Variants in CAMK2D observed in about 807,000 individuals in gnomAD.
The protein encoded by CAMK2D is calcium/calmodulin dependent protein kinase II delta, also known as calcium/calmodulin-dependent protein kinase type II subunit delta.
CAMK2D carries 37 observed loss-of-function variants against 84.0 expected under a neutral mutation model. The observed-to-expected ratio is 0.44, with a 90% CI of 0.34 to 0.58. The LOEUF (loss-of-function observed/expected upper bound fraction) is 0.58, where lower values mean the gene tolerates loss of function less well. Among genes scored for constraint, CAMK2D ranks in the 20% least tolerant of loss-of-function variants. The probability of loss-of-function intolerance (pLI) is 0.02; values close to 1 mark genes in which losing one functional copy is unlikely to be tolerated. For synonymous variants in CAMK2D, 202 were observed against 212.5 expected (o/e 0.95, Z 0.43); for missense variants, 448 against 652.5 (o/e 0.69, Z 3.41).
intron 2 of CAMK2D, among the ~76,000 whole-genome samples, chr4:113,720,578 C>CA (rs1002729941): frequency 6.6e-6 from 1 of 150,940 alleles, no homozygotes; most frequent in Non-Finnish European, 1.5e-5. Context: ...CCTCAAATTT[C>CA]AAAAAAAAGC....
At chr4:113,663,592 A>C (rs2099244988) in intron 2 of CAMK2D, among the ~76,000 whole-genome samples, 1 of 148,056 alleles carries the variant, frequency 6.8e-6, no homozygotes, top group Admixed American at 6.8e-5. Flanking sequence ...CTGTCTAAAA[A>C]TAATAATAAT....
intron 3 of CAMK2D, among the ~76,000 whole-genome samples, chr4:113,617,956 T>C (rs2099028820): frequency 6.6e-6 from 1 of 151,780 alleles, no homozygotes; most frequent in African/African-American, 2.4e-5. Flanking sequence ...CATATATATA[T>C]ATAAAATATA....
In CAMK2D at chr4:113,455,758, G is replaced by A. The variant is rs1230960345; in HGVS notation, c.1599C>T (p.Ile533=). Residue 533 remains isoleucine, a synonymous_variant, in exon 20 of 21, where the codon ATC becomes ATT. Coordinates refer to ENST00000511664, the MANE Select transcript of CAMK2D (RefSeq NM_001321571.2). ...ATATGTGAATGGTTTTCAGGCCTTA[G>A]ATGTTTTGCCACAAAGAGGTGCCTC... The part of the protein sequence containing the change: ...FSGGTSLWQN[I] 1 of 1,611,726 alleles carries A rather than the reference G, an allele frequency of 6.2e-7. No individual in the cohort carries two copies. Among genetic ancestry groups the A allele is most frequent in the Non-Finnish European group, 8.5e-7 (1 of 1,178,114 alleles).
At chr4:113,603,773 T>TTTTATA (rs1447833124) in intron 4 of CAMK2D, among the ~76,000 whole-genome samples, 4 of 127,994 alleles carry the variant, frequency 3.1e-5, no homozygotes, top group Non-Finnish European at 6.3e-5. Context: ...TCTTGCTATT[T>TTTTATA]TATATATATA....
chr4:113,549,643 G>C (rs2098609128), intron 5 of CAMK2D, among the ~76,000 whole-genome samples: 1 of 152,114 alleles, frequency 6.6e-6, no homozygotes. Context: ...GATGAATTTT[G>C]TATAAGTTCA....
At chr4:113,699,918 T>A (rs1212069986) in intron 2 of CAMK2D, among the ~76,000 whole-genome samples, 1 of 152,204 alleles carries the variant, frequency 6.6e-6, no homozygotes, top group African/African-American at 2.4e-5. Flanking sequence ...TTATGAGTCA[T>A]GTTAAGAAGA....
intron 18 of CAMK2D, among the ~76,000 whole-genome samples, chr4:113,459,817 G>A (rs111976448): frequency 0.029 from 4,455 of 151,806 alleles, 221 homozygotes; most frequent in African/African-American, 0.099. Context: ...GTAGAGATGA[G>A]CCTTTACCAT....
At chr4:113,759,293 C>T in intron 2 of CAMK2D, 27 bp downstream of exon 2, 1 of 1,392,896 alleles carries the variant, frequency 7.2e-7, no homozygotes. Flanking sequence ...ACAAAATTAA[C>T]CAATATATGT....
intron 6 of CAMK2D, among the ~76,000 whole-genome samples, chr4:113,544,799 G>T (rs543498332): frequency 5.9e-5 from 9 of 152,120 alleles, no homozygotes; most frequent in African/African-American, 2.2e-4. Context: ...GCCTGCCACT[G>T]GACACACCTC....
At chr4:113,760,383 G>A (rs1043182185) in intron 1 of CAMK2D, among the ~76,000 whole-genome samples, 6 of 152,300 alleles carry the variant, frequency 3.9e-5, no homozygotes, top group Non-Finnish European at 7.4e-5. Flanking sequence ...AAGAATGATG[G>A]TGAGCGGTAA....
chr4:113,650,472 G>A (rs528253019), intron 3 of CAMK2D, among the ~76,000 whole-genome samples: 28 of 149,362 alleles, frequency 1.9e-4, no homozygotes, highest in Non-Finnish European at 3.2e-4. Context: ...AGCCGAGATC[G>A]TGACACTGCA....
intron 16 of CAMK2D, among the ~76,000 whole-genome samples, chr4:113,493,367 G>T (rs1397404557): frequency 1.3e-5 from 2 of 150,578 alleles, no homozygotes; most frequent in East Asian, 1.9e-4. Flanking sequence ...GCATTTGCTT[G>T]TCTGTAAAGT....
chr4:113,536,460 T>C (rs1350035667), intron 7 of CAMK2D, among the ~76,000 whole-genome samples: 2 of 152,088 alleles, frequency 1.3e-5, no homozygotes, highest in Non-Finnish European at 2.9e-5. Context: ...AACAAAGAAA[T>C]AGCATGTTTT....
At chr4:113,455,928 G>A (rs750067756) in intron 19 of CAMK2D, 107 bp from the exon 20 acceptor site, 10 of 668,822 alleles carry the variant, frequency 1.5e-5, no homozygotes, top group Non-Finnish European at 2.7e-5. Flanking sequence ...CTAAACCCCT[G>A]GTACTGTATG....
chr4:113,578,201 C>T (rs1429953774), intron 4 of CAMK2D, among the ~76,000 whole-genome samples: 1 of 152,172 alleles, frequency 6.6e-6, no homozygotes, highest in African/African-American at 2.4e-5. Flanking sequence ...ATGAAATGTC[C>T]ATTCAATCCT....
chr4:113,610,894 C>A (rs1591904172), intron 3 of CAMK2D, among the ~76,000 whole-genome samples: 1 of 152,098 alleles, frequency 6.6e-6, no homozygotes, highest in Non-Finnish European at 1.5e-5. Context: ...TACTGCCCAA[C>A]AGGAACCATA....
intron 6 of CAMK2D, among the ~76,000 whole-genome samples, chr4:113,543,488 T>C (rs1226886032): frequency 2.6e-5 from 4 of 151,874 alleles, no homozygotes; most frequent in Admixed American, 1.3e-4. Context: ...CCCAAAGTGA[T>C]TGGATTACAG....
At chr4:113,456,150 T>C (rs1002740071) in intron 19 of CAMK2D, among the ~76,000 whole-genome samples, 2 of 152,212 alleles carry the variant, frequency 1.3e-5, no homozygotes, top group African/African-American at 4.8e-5. Context: ...CTAACAGTGA[T>C]ATATAATTAT....
chr4:113,748,309 T>C (rs1374796526), intron 2 of CAMK2D, among the ~76,000 whole-genome samples: 1 of 152,144 alleles, frequency 6.6e-6, no homozygotes, highest in African/African-American at 2.4e-5. Context: ...TTTTGTTAAA[T>C]TGAAGTTAAA....
Sources: gnomAD v4.1 joint callset for allele counts (sites outside exome capture counted in the v4.1 genomes callset) on GRCh38, gnomAD v4.1.1 for gene constraint, MANE v1.5 for transcripts, NCBI Gene and HGNC (gene_info 2026-07-23, HGNC 2026-07-21) for gene names.